FLT1: variants seen among roughly 807,000 people sequenced by gnomAD.
FLT1 encodes the protein fms related receptor tyrosine kinase 1.
Under a neutral mutation model 156.3 loss-of-function variants are expected in FLT1, and 49 were observed. That is an observed-to-expected ratio of 0.31 (90% CI 0.25 to 0.40). FLT1 has a LOEUF of 0.40. Among genes scored for constraint, FLT1 ranks in the 10% least tolerant of loss-of-function variants. The pLI is 1.00. For synonymous variants in FLT1, 594 were observed against 583.8 expected (o/e 1.02, Z -0.25); for missense variants, 1,322 against 1,637.2 (o/e 0.81, Z 3.32).
chr13:28,352,593 C>G (rs1872764349), intron 15 of FLT1, among the ~76,000 whole-genome samples: 1 of 152,164 alleles, frequency 6.6e-6, no homozygotes, highest in African/African-American at 2.4e-5. Context: ...TTGATCAAGG[C>G]CAGCTTTATG....
intron 11 of FLT1, among the ~76,000 whole-genome samples, chr13:28,401,797 C>T (rs1363510040): frequency 6.6e-6 from 1 of 152,182 alleles, no homozygotes; most frequent in Non-Finnish European, 1.5e-5. Context: ...AGGATTCTTG[C>T]TCCTGTCATG....
intron 10 of FLT1, among the ~76,000 whole-genome samples, chr13:28,421,583 AGTTTTGTATCACAGAGTTT>A (rs11274347): frequency 0.74 from 112,686 of 151,532 alleles, 42,018 homozygotes; most frequent in Non-Finnish European, 0.75. Context: ...TCACAGAGTC[AGTTTTGTATCACAGAGTTT>A]GTACCTCCAT....
rs1871346752 is a variant in FLT1 at position 28,319,406 on chromosome 13, C to T, written c.3286+17G>A. On this transcript the variant is annotated intron_variant, in intron 24 of 29. Transcript: ENST00000282397. ...TTATTTCTGGGCTGTTTGATTTCTT[C>T]CTTCTCCCAAATTTACCTAAGGAGA... The T allele has an allele frequency of 5.3e-6, 8 of 1,514,740 alleles. No homozygotes were observed. The highest frequency in any genetic ancestry group is 6.4e-6 in the Non-Finnish European group (7 of 1,090,516). The allele number at this position is 1,514,740 out of a possible 1,614,324, so 93.8% of individuals were successfully genotyped here.
intron 3 of FLT1, among the ~76,000 whole-genome samples, chr13:28,455,905 A>G (rs919018884): frequency 1.3e-5 from 2 of 152,220 alleles, no homozygotes; most frequent in African/African-American, 4.8e-5. Flanking sequence ...AATGCAAACT[A>G]AAATAACAAT....
At chr13:28,338,174 CA>C (rs1286490094) in intron 17 of FLT1, among the ~76,000 whole-genome samples, 1 of 152,092 alleles carries the variant, frequency 6.6e-6, no homozygotes, top group Non-Finnish European at 1.5e-5. Flanking sequence ...AAGAGAAAAA[CA>C]AAAGCCATTT....
chr13:28,313,745 C>A lies in FLT1; in HGVS notation c.3387-1647G>T, dbSNP rs1352945363. On this transcript the variant is annotated intron_variant, in intron 25 of 29. Transcript: ENST00000282397. The stretch of plus-strand genomic sequence containing the variant: ...GTTGCTGGGGAAAAAACCTGAGAAA[C>A]CCTAGTTCATATCCTCCCTCTGACA... Among the ~76,000 whole-genome samples the A allele has an allele frequency of 3.3e-5, 5 of 152,152 alleles. No homozygotes were observed. The East Asian group carries it at 9.6e-4, about 29-fold the overall frequency.
At chr13:28,353,916 C>T (rs906505242) in intron 15 of FLT1, among the ~76,000 whole-genome samples, 1 of 152,118 alleles carries the variant, frequency 6.6e-6, no homozygotes, top group Non-Finnish European at 1.5e-5. Context: ...TATAAGAATC[C>T]TTTTTCAAAG....
chr13:28,359,019 G>C (rs112076306), intron 14 of FLT1, among the ~76,000 whole-genome samples: 3 of 152,110 alleles, frequency 2.0e-5, no homozygotes, highest in African/African-American at 2.4e-5. Context: ...GATAAAACAG[G>C]CCTGGCCAGA....
chr13:28,376,188 T>A (rs571072977), intron 14 of FLT1, among the ~76,000 whole-genome samples: 1 of 152,264 alleles, frequency 6.6e-6, no homozygotes, highest in South Asian at 2.1e-4. Context: ...TTGGTGTCAG[T>A]GATATAGTGT....
chr13:28,320,325 T>C (rs1289862280), intron 23 of FLT1, among the ~76,000 whole-genome samples: 1 of 152,156 alleles, frequency 6.6e-6, no homozygotes, highest in Non-Finnish European at 1.5e-5. Flanking sequence ...TTTTTTATTT[T>C]TACAAAGGAT....
intron 3 of FLT1, among the ~76,000 whole-genome samples, chr13:28,460,802 A>G (rs200338666): frequency 0.077 from 9,003 of 116,296 alleles, 401 homozygotes; most frequent in Admixed American, 0.14. Flanking sequence ...CCCATTACAC[A>G]CACACACACA....
At chr13:28,428,588 G>A (rs771019466) in intron 8 of FLT1, among the ~76,000 whole-genome samples, 1 of 152,136 alleles carries the variant, frequency 6.6e-6, no homozygotes, top group Non-Finnish European at 1.5e-5. Flanking sequence ...CAGAGGCTTG[G>A]GTGCTTGACC....
chr13:28,396,785 G>A (rs768394925), intron 12 of FLT1, 175 bp downstream of exon 12: 14 of 697,242 alleles, frequency 2.0e-5, no homozygotes, highest in East Asian at 5.4e-5. Flanking sequence ...AACTCCTTAC[G>A]AGATCCGATG....
At chr13:28,437,440 C>G (rs75796119) in intron 4 of FLT1, among the ~76,000 whole-genome samples, 1 of 152,092 alleles carries the variant, frequency 6.6e-6, no homozygotes, top group Non-Finnish European at 1.5e-5. Flanking sequence ...ATGCACTGTG[C>G]GAGGTGCTGC....
At chr13:28,414,296 T>C (rs1305948595) in intron 10 of FLT1, among the ~76,000 whole-genome samples, 2 of 152,230 alleles carry the variant, frequency 1.3e-5, no homozygotes, top group East Asian at 1.9e-4. Flanking sequence ...AACTCCATAC[T>C]AGTCTTACAC....
At chr13:28,431,015 G>A in intron 7 of FLT1, 121 bp downstream of exon 7, 1 of 880,906 alleles carries the variant, frequency 1.1e-6, no homozygotes, top group Admixed American at 1.8e-5. Flanking sequence ...CCATGGCCAA[G>A]CTGTATTCAT....
chr13:28,453,592 A>G (rs1028178458), intron 3 of FLT1, among the ~76,000 whole-genome samples: 8 of 152,088 alleles, frequency 5.3e-5, no homozygotes, highest in African/African-American at 1.4e-4. Context: ...AGGCCTTTAC[A>G]TGTATTCCTG....
chr13:28,482,002 G>C (rs559333842), intron 1 of FLT1, among the ~76,000 whole-genome samples: 38 of 152,268 alleles, frequency 2.5e-4, no homozygotes, highest in Non-Finnish European at 5.1e-4. Flanking sequence ...TCTTTTAAAT[G>C]AATGTATTAA....
At chr13:28,370,440 C>T (rs1873509994) in intron 14 of FLT1, among the ~76,000 whole-genome samples, 1 of 152,042 alleles carries the variant, frequency 6.6e-6, no homozygotes, top group Admixed American at 6.6e-5. Flanking sequence ...ACGGTGTGCA[C>T]ATGTACCCTA....
Sources: gnomAD v4.1 joint callset for allele counts (sites outside exome capture counted in the v4.1 genomes callset) on GRCh38, gnomAD v4.1.1 for gene constraint, MANE v1.5 for transcripts, NCBI Gene and HGNC (gene_info 2026-07-23, HGNC 2026-07-21) for gene names.